SFMBT2: variants seen among roughly 807,000 people sequenced by gnomAD.
The protein encoded by SFMBT2 is scm-like with four MBT domains protein 2.
Under a neutral mutation model 110.1 loss-of-function variants are expected in SFMBT2, and 38 were observed. That is an observed-to-expected ratio of 0.35 (90% CI 0.27 to 0.45). The LOEUF (loss-of-function observed/expected upper bound fraction) is 0.45. SFMBT2 is among the 20% of genes least tolerant of loss of function. The pLI is 1.00. For synonymous variants in SFMBT2, 425 were observed against 425.4 expected (o/e 1.00, Z 0.01); for missense variants, 1,011 against 1,094.9 (o/e 0.92, Z 1.08).
At chr10:7,370,257 G>A (rs1845025273) in intron 3 of SFMBT2, 24 bp downstream of exon 3, 6 of 1,597,786 alleles carry the variant, frequency 3.8e-6, no homozygotes, top group Non-Finnish European at 5.1e-6. Flanking sequence ...TAGACACAGA[G>A]AAGACACAAG....
In SFMBT2 at chr10:7,393,005, AT is replaced by A. The variant is rs1564472956; in HGVS notation, c.-51-11057del. On this transcript the variant is annotated intron_variant, in intron 1 of 20. Coordinates refer to ENST00000397167, the MANE Select transcript of SFMBT2 (RefSeq NM_001387889.1). ...AGATTATATATATATATATATATAT[AT>A]ATATATATATATATATATATATATA... Among the ~76,000 whole-genome samples, 82 of 72,626 alleles carry A rather than the reference AT, an allele frequency of 1.1e-3. 1 individual carries two copies. Among genetic ancestry groups the A allele is most frequent in the African/African-American group, 8.6e-3 (75 of 8,730 alleles). The allele number at this position is 72,626 out of a possible 152,430, so 47.6% of individuals were successfully genotyped here. A position where few individuals can be genotyped will look rare whatever the true frequency, so the allele number is the denominator to read the frequency against.
At chr10:7,315,252 G>A (rs1842978876) in intron 4 of SFMBT2, among the ~76,000 whole-genome samples, 1 of 152,192 alleles carries the variant, frequency 6.6e-6, no homozygotes, top group South Asian at 2.1e-4. Flanking sequence ...GTTTCTTGGG[G>A]TGTTTCTGGC....
intron 4 of SFMBT2, among the ~76,000 whole-genome samples, chr10:7,366,102 G>A (rs1844889240): frequency 6.6e-6 from 1 of 152,202 alleles, no homozygotes; most frequent in Non-Finnish European, 1.5e-5. Context: ...CTTGGTGCAG[G>A]TGGAAGAGGG....
chr10:7,237,584 A>G (rs1840296594), intron 9 of SFMBT2, among the ~76,000 whole-genome samples: 1 of 152,100 alleles, frequency 6.6e-6, no homozygotes, highest in South Asian at 2.1e-4. Context: ...GTGAAGGGCT[A>G]GGGGTGGGAG....
chr10:7,172,323 C>G lies in SFMBT2; in HGVS notation c.2152-165G>C. ...ACGAGGCCCTTCCCAGCCAAAGCAGCTGGACACACTACATTTGTTTTCAGC... is the reference window on the plus strand; with the variant it reads ...ACGAGGCCCTTCCCAGCCAAAGCAGGTGGACACACTACATTTGTTTTCAGC... On this transcript the variant is annotated intron_variant, in intron 18 of 20. Transcript: ENST00000397167. This position sits in a 1 kb window ranked among gnomAD's most constrained non-coding sequence, Gnocchi z 4.6. The G allele has an allele frequency of 2.0e-6, 2 of 985,358 alleles. No homozygotes were observed. Among genetic ancestry groups the G allele is most frequent in the Non-Finnish European group, 2.4e-6 (2 of 829,824 alleles). The allele number at this position is 985,358 out of a possible 1,614,324, so 61.0% of individuals were successfully genotyped here. A position where few individuals can be genotyped will look rare whatever the true frequency, so the allele number is the denominator to read the frequency against.
At chr10:7,337,358 T>A (rs1340963955) in intron 4 of SFMBT2, among the ~76,000 whole-genome samples, 3 of 152,188 alleles carry the variant, frequency 2.0e-5, no homozygotes, top group Admixed American at 1.3e-4. Context: ...TGGATCTGTG[T>A]CCCCACCCAA....
At chr10:7,395,692 C>T in intron 1 of SFMBT2, among the ~76,000 whole-genome samples, 1 of 145,242 alleles carries the variant, frequency 6.9e-6, no homozygotes. Flanking sequence ...ATTTTAATTT[C>T]TAAAAGCTCT....
chr10:7,381,905 T>G lies in SFMBT2; in HGVS notation c.-7A>C, dbSNP rs1845434636. On this transcript the variant is annotated 5_prime_UTR_variant, in exon 2 of 21. Coordinates refer to ENST00000397167, the MANE Select transcript of SFMBT2 (RefSeq NM_001387889.1). ...CTGACAAAGTGCTCTCCATGCCTGA[T>G]GAGCAAGTGTCTCTTCTCTTAATTC... The G allele has an allele frequency of 1.3e-6, 2 of 1,582,368 alleles. No individual in the cohort carries two copies. Among genetic ancestry groups the G allele is most frequent in the African/African-American group, 2.7e-5 (2 of 73,976 alleles).
At chr10:7,218,357 A>T (rs571415321) in intron 11 of SFMBT2, among the ~76,000 whole-genome samples, 61 of 152,328 alleles carry the variant, frequency 4.0e-4, no homozygotes, top group African/African-American at 1.4e-3. Flanking sequence ...TAAGGGCCAA[A>T]ATCAAAACCA....
At chr10:7,233,541 C>T (rs1840171354) in intron 9 of SFMBT2, among the ~76,000 whole-genome samples, 1 of 152,160 alleles carries the variant, frequency 6.6e-6, no homozygotes, top group Admixed American at 6.5e-5. Context: ...GTTCCACCTC[C>T]CTTGGAAAGG....
At chr10:7,348,981 T>C (rs532032425) in intron 4 of SFMBT2, among the ~76,000 whole-genome samples, 6 of 152,246 alleles carry the variant, frequency 3.9e-5, no homozygotes, top group African/African-American at 7.2e-5. Flanking sequence ...GGATGAGAAA[T>C]GGAGAGAGTC....
rs1262857255 is a variant in SFMBT2 at position 7,170,405 on chromosome 10, G to A, written c.2544+523C>T. ...ATCTCTTCTGCAGCTGAACATCACAGGGAGGGCTGGACGGACCCCACTGAG... is the reference window on the plus strand; with the variant it reads ...ATCTCTTCTGCAGCTGAACATCACAAGGAGGGCTGGACGGACCCCACTGAG... On this transcript the variant is annotated intron_variant, in intron 20 of 20. Coordinates refer to ENST00000397167, the MANE Select transcript of SFMBT2 (RefSeq NM_001387889.1). The surrounding 1 kb of genome is among the most constrained non-coding windows in gnomAD (Gnocchi z 4.6). Among the ~76,000 whole-genome samples, 1 of 152,222 alleles carries A rather than the reference G, an allele frequency of 6.6e-6. No homozygotes were observed. Among genetic ancestry groups the A allele is most frequent in the Non-Finnish European group, 1.5e-5 (1 of 68,032 alleles).
At chr10:7,397,377 T>G (rs547262463) in intron 1 of SFMBT2, among the ~76,000 whole-genome samples, 98 of 149,272 alleles carry the variant, frequency 6.6e-4, no homozygotes, top group Non-Finnish European at 1.3e-3. Context: ...GTTTTTTTGT[T>G]TTTTTTTTTA....
At position 7,204,494 on chromosome 10, in the gene SFMBT2, A is replaced by C. The variant is rs1249453487; in HGVS notation, c.1444+1321T>G. ...ATTTTAAATAACACTTCTGATATGC[A>C]TTAGGGTAGAATAATAAACGCAATG... On this transcript the variant is annotated intron_variant, in intron 12 of 20. Transcript: ENST00000397167. 1.2e-5 allele frequency: 12 copies of C among 963,348 alleles called. 1 individual carries two copies. The highest frequency in any genetic ancestry group is 1.2e-5 in the Non-Finnish European group (10 of 820,862). The allele number at this position is 963,348 out of a possible 1,614,324, so 59.7% of individuals were successfully genotyped here.
At chr10:7,164,888 A>G (rs1198237903) in intron 20 of SFMBT2, among the ~76,000 whole-genome samples, 1 of 152,070 alleles carries the variant, frequency 6.6e-6, no homozygotes, top group Non-Finnish European at 1.5e-5. Flanking sequence ...ACCTACACAC[A>G]GGGCATGAAG....
intron 4 of SFMBT2, among the ~76,000 whole-genome samples, chr10:7,286,729 G>A (rs1842102644): frequency 6.6e-6 from 1 of 152,146 alleles, no homozygotes; most frequent in Admixed American, 6.5e-5. Flanking sequence ...TTGATCATCT[G>A]CAAATTTTGG....
At chr10:7,348,540 C>T (rs567410844) in intron 4 of SFMBT2, among the ~76,000 whole-genome samples, 2 of 152,292 alleles carry the variant, frequency 1.3e-5, no homozygotes, top group African/African-American at 4.8e-5. Context: ...CCTTCAAAAT[C>T]ATACTAATCT....
chr10:7,259,164 G>A (rs532297244), intron 7 of SFMBT2, among the ~76,000 whole-genome samples: 191 of 152,278 alleles, frequency 1.3e-3, no homozygotes, highest in Middle Eastern at 3.4e-3. Context: ...CAAGAGCTGG[G>A]AAGGCGCAAA....
At chr10:7,335,582 A>AACAC (rs3065781) in intron 4 of SFMBT2, among the ~76,000 whole-genome samples, 35,766 of 142,734 alleles carry the variant, frequency 0.25, 4,873 homozygotes, top group East Asian at 0.51. Context: ...CAGAAACAGA[A>AACAC]ACACACACAC....
Sources: gnomAD v4.1 joint callset for allele counts (sites outside exome capture counted in the v4.1 genomes callset) on GRCh38, gnomAD v4.1.1 for gene constraint, Gnocchi (gnomAD v3.1) non-coding constraint, MANE v1.5 for transcripts, NCBI Gene and HGNC (gene_info 2026-07-23, HGNC 2026-07-21) for gene names.